The following KIF13A variants were observed in gnomAD, a reference collection of about 807,000 sequenced individuals.
KIF13A encodes kinesin family member 13A.
Under a neutral mutation model 212.2 loss-of-function variants are expected in KIF13A, and 79 were observed. The ratio of observed to expected loss-of-function variants is 0.37; its 90% CI spans 0.31 to 0.45. The LOEUF is 0.45. KIF13A is among the 20% of genes least tolerant of loss of function. The pLI, the probability that KIF13A is intolerant of heterozygous loss-of-function variation, is 1.00. For missense variants in KIF13A, 1,901 were observed against 2,209.0 expected, an observed-to-expected ratio of 0.86 and a Z score of 2.79; for synonymous variants, 789 against 808.6, an observed-to-expected ratio of 0.98 and a Z score of 0.41.
At chr6:17,869,900 C>T (rs759111326) in intron 4 of KIF13A, among the ~76,000 whole-genome samples, 2 of 152,170 alleles carry the variant, frequency 1.3e-5, no homozygotes, top group Non-Finnish European at 2.9e-5. Context: ...TCGAGCCTGA[C>T]AAATAGGTCG....
chr6:17,766,528 G>A (rs140116188), intron 38 of KIF13A, among the ~76,000 whole-genome samples: 5 of 152,134 alleles, frequency 3.3e-5, no homozygotes, highest in Non-Finnish European at 7.4e-5. Context: ...ATGAGACACC[G>A]TGCCCGGCTA....
chr6:17,916,050 G>A (rs187608779), intron 2 of KIF13A, among the ~76,000 whole-genome samples: 150 of 152,234 alleles, frequency 9.9e-4, no homozygotes, highest in Admixed American at 5.0e-3. Flanking sequence ...GCAGGATGGC[G>A]TTTCTCATCC....
intron 3 of KIF13A, among the ~76,000 whole-genome samples, chr6:17,874,263 A>ATGTTTT (rs376102077): frequency 0.13 from 14,518 of 115,820 alleles, 894 homozygotes; most frequent in Non-Finnish European, 0.17. Context: ...CCAGCAAAGC[A>ATGTTTT]TGTTTTTGTT....
In KIF13A at chr6:17,898,263, AAG is replaced by A; in HGVS notation, c.147-85_147-84del. On this transcript the variant is annotated intron_variant, in intron 2 of 38. Transcript: ENST00000259711. This position sits in a 1 kb window ranked among gnomAD's most constrained non-coding sequence, Gnocchi z 5.2. ...CAGCCACATCAGAGGGAAACAATGA[AAG>A]AGAAAAAAATAAGGTAAATTCAGCA... 3 of 1,338,756 alleles carry A rather than the reference AAG, an allele frequency of 2.2e-6. No homozygotes were observed. Among genetic ancestry groups the A allele is most frequent in the Non-Finnish European group, 3.2e-6 (3 of 947,654 alleles). The allele number at this position is 1,338,756 out of a possible 1,614,324, so 82.9% of individuals were successfully genotyped here.
At chr6:17,983,243 T>C (rs1781248274) in intron 2 of KIF13A, among the ~76,000 whole-genome samples, 2 of 151,604 alleles carry the variant, frequency 1.3e-5, no homozygotes, top group Admixed American at 1.3e-4. Flanking sequence ...TTTGTGTATA[T>C]AGTTGTATTA....
chr6:17,981,127 C>A (rs1781033305), intron 2 of KIF13A, among the ~76,000 whole-genome samples: 1 of 151,332 alleles, frequency 6.6e-6, no homozygotes, highest in African/African-American at 2.4e-5. Flanking sequence ...AGAGCCCAAG[C>A]TCTTACTAAC....
In KIF13A at chr6:17,786,907, C is replaced by T. The variant is rs1466754423; in HGVS notation, c.3361+869G>A. On this transcript the variant is annotated intron_variant, in intron 27 of 38. Coordinates refer to ENST00000259711, the MANE Select transcript of KIF13A (RefSeq NM_022113.6). This position sits in a 1 kb window ranked among gnomAD's most constrained non-coding sequence, Gnocchi z 5.4. ...TGTTCTTTGCTGCAGAACCAACCAC[C>T]GTGAGTGGACCATGATGTCTGGATG... Among the ~76,000 whole-genome samples, 1 of 152,278 alleles carries T rather than the reference C, an allele frequency of 6.6e-6. No homozygotes were observed. The highest frequency in any genetic ancestry group is 1.9e-4 in the East Asian group (1 of 5,184).
downstream of KIF13A, among the ~76,000 whole-genome samples, chr6:17,763,078 T>C (rs1700016119): frequency 6.6e-6 from 1 of 152,198 alleles, no homozygotes; most frequent in African/African-American, 2.4e-5. Context: ...TGAATGGGAA[T>C]AAATGGTGGT....
In KIF13A at chr6:17,811,952, C is replaced by T. The variant is rs1362486707; in HGVS notation, c.2001-3022G>A. On this transcript the variant is annotated intron_variant, in intron 17 of 38. Transcript: ENST00000259711. This position sits in a 1 kb window ranked among gnomAD's most constrained non-coding sequence, Gnocchi z 6.0. ...TCACAGTGCACTACAGCTTGAAACT[C>T]CTGGGCGCAGGTGATCCTCCTGCCT... 1 of 152,130 alleles carries T rather than the reference C, an allele frequency of 6.6e-6. No homozygotes were observed. The highest frequency in any genetic ancestry group is 1.5e-5 in the Non-Finnish European group (1 of 68,072). 9.4% of individuals were successfully genotyped at this position (152,130 alleles called of 1,614,324 possible). A position where few individuals can be genotyped will look rare whatever the true frequency, so the allele number is the denominator to read the frequency against.
intron 2 of KIF13A, among the ~76,000 whole-genome samples, chr6:17,939,807 C>G (rs530217369): frequency 1.3e-5 from 2 of 152,212 alleles, no homozygotes; most frequent in South Asian, 4.1e-4. Context: ...AATCCCAGCA[C>G]TTTGGGAGGC....
At position 17,768,809 on chromosome 6, in the gene KIF13A, T is replaced by C. The variant is rs1759247422; in HGVS notation, c.4581+2305A>G. On this transcript the variant is annotated intron_variant, in intron 38 of 38. Coordinates refer to ENST00000259711, the MANE Select transcript of KIF13A (RefSeq NM_022113.6). The surrounding 1 kb of genome is among the most constrained non-coding windows in gnomAD (Gnocchi z 5.4). ...TCGTGTGGATACTGGGAAAAATCAC[T>C]GACTTTCTTTCTGCTATTCTCTATG... Among the ~76,000 whole-genome samples, 1 of 152,238 alleles carries C rather than the reference T, an allele frequency of 6.6e-6. No homozygotes were observed. Among genetic ancestry groups the C allele is most frequent in the South Asian group, 2.1e-4 (1 of 4,828 alleles).
chr6:17,954,082 G>C (rs890961952), intron 2 of KIF13A, among the ~76,000 whole-genome samples: 10 of 151,988 alleles, frequency 6.6e-5, no homozygotes, highest in Non-Finnish European at 1.5e-5. Context: ...GGCAGATCAC[G>C]AGGTCAGGAG....
intron 2 of KIF13A, among the ~76,000 whole-genome samples, chr6:17,944,660 C>A (rs1028583622): frequency 5.3e-5 from 8 of 152,122 alleles, no homozygotes; most frequent in Non-Finnish European, 8.8e-5. Context: ...AAACAAAAAA[C>A]ACGTAGAAAT....
intron 2 of KIF13A, among the ~76,000 whole-genome samples, chr6:17,944,747 C>T (rs956755524): frequency 3.3e-5 from 5 of 151,960 alleles, no homozygotes; most frequent in African/African-American, 4.8e-5. Context: ...ATTATCTTTG[C>T]GTCTGATTAT....
At chr6:17,760,673 C>T (rs1581829800), downstream of KIF13A, 2 of 604,840 alleles carry the variant, frequency 3.3e-6, no homozygotes, top group East Asian at 2.8e-5. Context: ...TGACAAAGTG[C>T]CGCTTCTCCC....
At chr6:17,821,482 G>GTTGCACACATA (rs1764424840) in intron 16 of KIF13A, among the ~76,000 whole-genome samples, 1 of 150,680 alleles carries the variant, frequency 6.6e-6, no homozygotes, top group Admixed American at 6.7e-5. Flanking sequence ...TTTCAGTGCT[G>GTTGCACACATA]TTGCACACAT....
chr6:17,930,915 AT>A (rs1775930705), intron 2 of KIF13A, among the ~76,000 whole-genome samples: 1 of 152,234 alleles, frequency 6.6e-6, no homozygotes, highest in Admixed American at 6.5e-5. Flanking sequence ...AGGCTTAAAA[AT>A]TGTTCTCTGT....
intron 16 of KIF13A, among the ~76,000 whole-genome samples, chr6:17,822,424 C>T (rs935634645): frequency 6.0e-4 from 92 of 152,302 alleles, no homozygotes; most frequent in Non-Finnish European, 4.3e-4. Context: ...TTCATGTTAA[C>T]ACTGTGCACC....
intron 16 of KIF13A, among the ~76,000 whole-genome samples, chr6:17,822,808 G>A (rs1764580638): frequency 6.6e-6 from 1 of 152,172 alleles, no homozygotes; most frequent in Non-Finnish European, 1.5e-5. Context: ...CCATTAATGT[G>A]ATTCTGATGT....
Sources: allele counts gnomAD v4.1 joint callset (sites outside exome capture counted in the v4.1 genomes callset), GRCh38; gene constraint gnomAD v4.1.1; non-coding constraint Gnocchi (gnomAD v3.1); transcripts MANE v1.5; gene names NCBI Gene and HGNC (gene_info 2026-07-23, HGNC 2026-07-21).